ATP8B1: variants seen among roughly 807,000 people sequenced by gnomAD.
ATP8B1 encodes ATPase phospholipid transporting 8B1.
Under a neutral mutation model 149.9 loss-of-function variants are expected in ATP8B1, and 80 were observed. That is an observed-to-expected ratio of 0.53 (90% CI 0.45 to 0.64). ATP8B1 has a LOEUF of 0.64. ATP8B1 is among the 30% of genes least tolerant of loss of function. ATP8B1 has a pLI of 0.00. For synonymous variants in ATP8B1, 536 were observed against 562.8 expected, an observed-to-expected ratio of 0.95 and a Z score of 0.67; for missense variants, 1,247 against 1,552.6, an observed-to-expected ratio of 0.80 and a Z score of 3.31.
At chr18:57,686,550 AGC>A (rs1912257475) in intron 13 of ATP8B1, among the ~76,000 whole-genome samples, 1 of 152,086 alleles carries the variant, frequency 6.6e-6, no homozygotes. Flanking sequence ...CCTCCTGAAT[AGC>A]TGGGACTAGA....
At chr18:57,703,722 A>G (rs1243461582) in intron 4 of ATP8B1, among the ~76,000 whole-genome samples, 1 of 152,190 alleles carries the variant, frequency 6.6e-6, no homozygotes, top group Non-Finnish European at 1.5e-5. Flanking sequence ...GTTCTTGCAC[A>G]GCTAAACTCA....
chr18:57,654,380 G>A (rs879779812), intron 23 of ATP8B1, among the ~76,000 whole-genome samples: 26 of 151,674 alleles, frequency 1.7e-4, no homozygotes, highest in Non-Finnish European at 3.8e-4. Context: ...GTACAGTGGC[G>A]TGATCTTGGC....
Position 57,669,433 on chromosome 18 carries a change from A to G in ATP8B1, c.1982T>C (p.Ile661Thr), listed in dbSNP as rs121909100. Residue 661 changes from isoleucine (I) to threonine (T), a missense_variant, in exon 18 of 28, where the codon ATT (isoleucine) becomes ACT (threonine). Physicochemically the swap from Ile to Thr is moderately conservative, Grantham distance 89 (BLOSUM62 -1). Coordinates refer to ENST00000648908, the MANE Select transcript of ATP8B1 (RefSeq NM_001374385.1). ...CCATTCTGTAAATTCTTTTTCTTCAATTTCCTTGTAGCAAAGGCATAGGGT... is the reference window on the plus strand; with the variant it reads ...CCATTCTGTAAATTCTTTTTCTTCAGTTTCCTTGTAGCAAAGGCATAGGGT... ...LRTLCLCYKE[I>T]EEKEFTEWNK... The G allele has an allele frequency of 1.6e-4, 257 of 1,613,520 alleles. No homozygotes were observed. Among genetic ancestry groups the G allele is most frequent in the Non-Finnish European group, 2.1e-4 (243 of 1,179,696 alleles).
chr18:57,726,422 G>A (rs1201955208), intron 2 of ATP8B1, among the ~76,000 whole-genome samples: 2 of 152,192 alleles, frequency 1.3e-5, no homozygotes, highest in African/African-American at 2.4e-5. Context: ...CAGAATGGGA[G>A]AAAATATTCA....
chr18:57,673,195 C>T (rs1485391397), intron 16 of ATP8B1, among the ~76,000 whole-genome samples: 1 of 151,486 alleles, frequency 6.6e-6, no homozygotes, highest in East Asian at 1.9e-4. Flanking sequence ...ATAAAATAAC[C>T]AGCCTGTGCT....
At chr18:57,740,087 TTTTG>T (rs1345921999) in intron 1 of ATP8B1, among the ~76,000 whole-genome samples, 3 of 152,006 alleles carry the variant, frequency 2.0e-5, no homozygotes, top group Admixed American at 6.6e-5. Flanking sequence ...TTGTTTTTTG[TTTTG>T]TTTGTTTGTT....
intron 1 of ATP8B1, among the ~76,000 whole-genome samples, chr18:57,746,560 G>A (rs376103581): frequency 2.9e-5 from 4 of 136,334 alleles, no homozygotes; most frequent in Non-Finnish European, 6.1e-5. Flanking sequence ...TACAACCTCC[G>A]CCTCCCTGGT....
chr18:57,759,686 C>T (rs959848603), intron 1 of ATP8B1, among the ~76,000 whole-genome samples: 17 of 151,648 alleles, frequency 1.1e-4, no homozygotes, highest in African/African-American at 3.9e-4. Flanking sequence ...TGGTGGCGGG[C>T]GCCTGTAGTC....
chr18:57,775,308 C>G (rs551936044), intron 1 of ATP8B1, among the ~76,000 whole-genome samples: 1 of 150,434 alleles, frequency 6.6e-6, no homozygotes. Context: ...AGATGGAGAC[C>G]CTGTCTCAAA....
chr18:57,678,359 G>A (rs112721621), intron 15 of ATP8B1, among the ~76,000 whole-genome samples: 3,457 of 151,968 alleles, frequency 0.023, 134 homozygotes, highest in African/African-American at 0.077. Context: ...AGGCTGAGGC[G>A]GGTGGATCAC....
At chr18:57,668,837 A>G (rs950777379) in intron 18 of ATP8B1, 37 of 360,490 alleles carry the variant, frequency 1.0e-4, no homozygotes, top group African/African-American at 7.4e-4. Context: ...TTGTGGCTTT[A>G]TACTGACATA....
intron 1 of ATP8B1, among the ~76,000 whole-genome samples, chr18:57,757,121 G>A (rs2080092811): frequency 6.6e-6 from 1 of 152,112 alleles, no homozygotes; most frequent in African/African-American, 2.4e-5. Flanking sequence ...CCACTTATTA[G>A]TTAGTAATCA....
At chr18:57,704,475 T>C in intron 4 of ATP8B1, 80 bp downstream of exon 4, 1 of 980,482 alleles carries the variant, frequency 1.0e-6, no homozygotes, top group Non-Finnish European at 1.6e-6. Flanking sequence ...TTCAAGATTA[T>C]TCACATTATA....
intron 20 of ATP8B1, among the ~76,000 whole-genome samples, chr18:57,662,968 G>C (rs1274392191): frequency 6.6e-6 from 1 of 152,028 alleles, no homozygotes; most frequent in Non-Finnish European, 1.5e-5. Context: ...CCCGGGCTTT[G>C]ACCATTTTTA....
At chr18:57,654,952 G>A (rs910603041) in intron 23 of ATP8B1, among the ~76,000 whole-genome samples, 2 of 151,662 alleles carry the variant, frequency 1.3e-5, no homozygotes, top group Non-Finnish European at 2.9e-5. Flanking sequence ...CTCCCAAAGT[G>A]CTGGGATTAC....
At position 57,679,944 on chromosome 18, in the gene ATP8B1, C is replaced by T. The variant is rs190863579; in HGVS notation, c.1630+4092G>A. On this transcript the variant is annotated intron_variant, in intron 15 of 27. Coordinates refer to ENST00000648908, the MANE Select transcript of ATP8B1 (RefSeq NM_001374385.1). The stretch of plus-strand genomic sequence containing the variant: ...ACTCCCAAAGTGCTGGGATTACAGG[C>T]GTGAATCACTGCACCCGGCTCACTC... Among the ~76,000 whole-genome samples, 9 of 151,938 alleles carry T rather than the reference C, an allele frequency of 5.9e-5. No homozygotes were observed. In the South Asian group the frequency reaches 6.2e-4, roughly 11 times the overall value.
At chr18:57,693,169 A>G (rs1369994697) in intron 11 of ATP8B1, among the ~76,000 whole-genome samples, 3 of 152,226 alleles carry the variant, frequency 2.0e-5, no homozygotes, top group Non-Finnish European at 4.4e-5. Flanking sequence ...TTAAACATGT[A>G]TATGCAATCA....
At chr18:57,697,890 A>T (rs751086139) in intron 6 of ATP8B1, 23 bp from the exon 7 acceptor site, 5 of 1,570,298 alleles carry the variant, frequency 3.2e-6, no homozygotes, top group Non-Finnish European at 3.5e-6. Flanking sequence ...AATAATGAGG[A>T]TTTATTGACA....
chr18:57,680,619 A>ACAAAACAAAACAAAAC (rs1555691204), intron 15 of ATP8B1, among the ~76,000 whole-genome samples: 3 of 149,250 alleles, frequency 2.0e-5, no homozygotes, highest in African/African-American at 7.5e-5. Flanking sequence ...ACAAAACAAA[A>ACAAAACAAAACAAAAC]AAAAAACCAC....
Sources: allele counts gnomAD v4.1 joint callset (sites outside exome capture counted in the v4.1 genomes callset), GRCh38; gene constraint gnomAD v4.1.1; transcripts MANE v1.5; gene names NCBI Gene and HGNC (gene_info 2026-07-23, HGNC 2026-07-21).